DNAH2: variants seen among roughly 807,000 people sequenced by gnomAD.
The protein encoded by DNAH2 is axonemal beta dynein heavy chain 2.
DNAH2 carries 323 observed loss-of-function variants against 523.5 expected under a neutral mutation model. The ratio of observed to expected loss-of-function variants is 0.62; its 90% CI spans 0.56 to 0.68. DNAH2 has a LOEUF of 0.68. DNAH2 is among the 30% of genes least tolerant of loss of function. The pLI, the probability that DNAH2 is intolerant of heterozygous loss-of-function variation, is 0.00. For missense variants in DNAH2, 4,907 were observed against 5,701.5 expected, an observed-to-expected ratio of 0.86 and a Z score of 4.49; for synonymous variants, 2,093 against 2,177.4, an observed-to-expected ratio of 0.96 and a Z score of 1.08.
rs2076751485 is a variant in DNAH2 at position 7,786,865 on chromosome 17, C to T, written c.6467-32C>T. 6.2e-7 allele frequency: 1 copy of T among 1,613,926 alleles called. No homozygotes were observed. The highest frequency in any genetic ancestry group is 8.5e-7 in the Non-Finnish European group (1 of 1,179,838). ...GCGGAGGGTGCAAGGTGAGCGGCTC[C>T]CCGGTTTCCTCATCACCCACCATCT... On this transcript the variant is annotated intron_variant, in intron 41 of 85. Transcript: ENST00000572933. The surrounding 1 kb of genome is among the most constrained non-coding windows in gnomAD (Gnocchi z 7.5).
At position 7,770,348 on chromosome 17, in the gene DNAH2, G is replaced by A. The variant is rs758725320; in HGVS notation, c.4038G>A (p.Gln1346=). ...LEQIVELGMD[Q]HVEKIGEISA... ...AGATTGTGGAGCTTGGGATGGATCA[G>A]CATGTGGAGAAAATTGGGGAGATCT... Residue 1346 remains glutamine, a synonymous_variant, in exon 25 of 86, where the codon CAG becomes CAA. Transcript: ENST00000572933. 1 of 1,614,112 alleles carries A rather than the reference G, an allele frequency of 6.2e-7. No homozygotes were observed. The highest frequency in any genetic ancestry group is 8.5e-7 in the Non-Finnish European group (1 of 1,179,998).
At chr17:7,766,861 A>C (rs1371165417) in intron 22 of DNAH2, among the ~76,000 whole-genome samples, 7 of 151,600 alleles carry the variant, frequency 4.6e-5, no homozygotes, top group Non-Finnish European at 8.8e-5. Context: ...TATTGTCCAG[A>C]CTGGTCTCGA....
intron 42 of DNAH2, chr17:7,787,457 G>A (rs1003571947): frequency 1.6e-5 from 4 of 251,826 alleles, no homozygotes; most frequent in Non-Finnish European, 3.1e-5. Flanking sequence ...AAACTGGGCC[G>A]GGCCGGGTGG....
chr17:7,786,859 C>A lies in DNAH2; in HGVS notation c.6467-38C>A, dbSNP rs778414126. ...GCGTGAGCGGAGGGTGCAAGGTGAG[C>A]GGCTCCCCGGTTTCCTCATCACCCA... On this transcript the variant is annotated intron_variant, in intron 41 of 85. Transcript: ENST00000572933. The surrounding 1 kb of genome is among the most constrained non-coding windows in gnomAD (Gnocchi z 7.5). 2 of 1,613,342 alleles carry A rather than the reference C, an allele frequency of 1.2e-6. No individual in the cohort carries two copies. Among genetic ancestry groups the A allele is most frequent in the Non-Finnish European group, 1.7e-6 (2 of 1,179,470 alleles).
chr17:7,745,552 C>T (rs1258707347), intron 12 of DNAH2, among the ~76,000 whole-genome samples: 11 of 151,662 alleles, frequency 7.3e-5, no homozygotes, highest in Non-Finnish European at 1.5e-5. Context: ...CGCAGTGGCT[C>T]ATGCCTAGAA....
intron 10 of DNAH2, 104 bp downstream of exon 10, chr17:7,740,653 C>G (rs1179348725): frequency 2.6e-6 from 4 of 1,552,910 alleles, no homozygotes; most frequent in Non-Finnish European, 3.5e-6. Context: ...TCTCCATGTC[C>G]AGCATTCGGG....
At position 7,805,480 on chromosome 17, in the gene DNAH2, G is replaced by A. The variant is rs549190787; in HGVS notation, c.9442+87G>A. On this transcript the variant is annotated intron_variant, in intron 61 of 85. Coordinates refer to ENST00000572933, the MANE Select transcript of DNAH2 (RefSeq NM_020877.5). ...GTGCAGCAGACACTCAGAAAGATAG[G>A]GATGGATGAGGCATTGTTCTTACCC... 20 of 1,570,738 alleles carry A rather than the reference G, an allele frequency of 1.3e-5. No individual in the cohort carries two copies. The South Asian group carries it at 2.2e-4, about 17-fold the overall frequency.
rs749454847 is a variant in DNAH2 at position 7,804,386 on chromosome 17, G to A, written c.9103G>A (p.Val3035Met). Residue 3035 changes from valine (V) to methionine (M), a missense_variant, in exon 59 of 86, where the codon GTG becomes ATG. By Grantham distance (21) the Val-to-Met change is conservative (BLOSUM62 1). This residue lies in a region of DNAH2 where 1,851 missense variants were observed against 2,139.4 expected (regional missense o/e 0.87). Coordinates refer to ENST00000572933, the MANE Select transcript of DNAH2 (RefSeq NM_020877.5). ...SLELEDAKKKVAEFQKQCEEY... is the reference protein window; with the variant it reads ...SLELEDAKKKMAEFQKQCEEY... ...GGAGCTGGAGGATGCCAAGAAGAAG[G>A]TGGCTGAGTTCCAGAAGCAGTGTGA... 6.2e-7 allele frequency: 1 copy of A among 1,614,188 alleles called. No individual in the cohort carries two copies. The highest frequency in any genetic ancestry group is 1.1e-5 in the South Asian group (1 of 91,088).
chr17:7,782,501 G>A (rs2076628222), intron 39 of DNAH2, among the ~76,000 whole-genome samples: 1 of 152,056 alleles, frequency 6.6e-6, no homozygotes, highest in Non-Finnish European at 1.5e-5. Flanking sequence ...TATTTCTGGA[G>A]GAATGAAATT....
chr17:7,743,733 G>T, intron 12 of DNAH2: 1 of 202,234 alleles, frequency 4.9e-6, no homozygotes, highest in Non-Finnish European at 9.9e-6. Flanking sequence ...CCACTAGATG[G>T]CCATAATGGC....
rs753634171 is a variant in DNAH2, at chr17:7,819,256, C to T, written c.10863C>T (p.Leu3621=). 1 of 1,614,048 alleles carries T rather than the reference C, an allele frequency of 6.2e-7. No individual in the cohort carries two copies. The highest frequency in any genetic ancestry group is 8.5e-7 in the Non-Finnish European group (1 of 1,180,056). Residue 3621 remains leucine, a synonymous_variant, in exon 72 of 86, where the codon CTC becomes CTT. Transcript: ENST00000572933. ...GGGCATCAATCCTGTTCTTCGTGCT[C>T]AATGATATGGGCTGCATCGACCCCA... ...AQRASILFFV[L]NDMGCIDPMY...
intron 59 of DNAH2, 143 bp downstream of exon 59, chr17:7,804,609 G>A: frequency 2.0e-6 from 2 of 979,636 alleles, no homozygotes; most frequent in Non-Finnish European, 3.0e-6. Context: ...ACTTTGGGAG[G>A]CTGAGGCAGG....
intron 44 of DNAH2, among the ~76,000 whole-genome samples, chr17:7,790,766 G>C (rs1038129729): frequency 1.3e-5 from 2 of 151,252 alleles, no homozygotes; most frequent in African/African-American, 4.9e-5. Flanking sequence ...GGCTGGAATG[G>C]CATGATCAGG....
intron 12 of DNAH2, among the ~76,000 whole-genome samples, chr17:7,750,880 A>G (rs1270644299): frequency 6.6e-6 from 1 of 152,176 alleles, no homozygotes; most frequent in East Asian, 1.9e-4. Context: ...AGACGGTAAA[A>G]ACACAATCCT....
In DNAH2 at chr17:7,807,243, C is replaced by G. The variant is rs141638644; in HGVS notation, c.9536C>G (p.Pro3179Arg). The change falls in exon 62 of 86, where the codon CCT becomes CGT. Residue 3179 changes from proline to arginine, a missense_variant. Pro to Arg is a moderately radical substitution (Grantham distance 103). This residue lies in a region of DNAH2 where 1,851 missense variants were observed against 2,139.4 expected (regional missense o/e 0.87). Transcript: ENST00000572933. The surrounding 1 kb of genome is among the most constrained non-coding windows in gnomAD (Gnocchi z 5.6). ...LKKIGAYCAQPDFQPDIIGRV... is the reference protein window; with the variant it reads ...LKKIGAYCAQRDFQPDIIGRV... ...AAGATTGGGGCCTACTGCGCCCAGC[C>G]TGACTTCCAGCCTGATATCATCGGC... The G allele has an allele frequency of 4.3e-5, 69 of 1,613,852 alleles. No homozygotes were observed. In the African/African-American group the frequency reaches 8.9e-4, roughly 21 times the overall value.
chr17:7,811,840 G>A (rs1191474753), intron 63 of DNAH2, among the ~76,000 whole-genome samples: 1 of 152,084 alleles, frequency 6.6e-6, no homozygotes, highest in Non-Finnish European at 1.5e-5. Context: ...GGGTTCTCTG[G>A]GTAGATCAGT....
intron 22 of DNAH2, among the ~76,000 whole-genome samples, chr17:7,766,842 G>A (rs1055374692): frequency 3.3e-5 from 5 of 151,554 alleles, no homozygotes; most frequent in Admixed American, 3.3e-4. Context: ...TAGAGATGGG[G>A]TTTCACCATA....
At chr17:7,819,756 C>A (rs748560679) in intron 72 of DNAH2, among the ~76,000 whole-genome samples, 1 of 152,198 alleles carries the variant, frequency 6.6e-6, no homozygotes, top group African/African-American at 2.4e-5. Context: ...GCAACTCCAA[C>A]AAGCTCCCAG....
chr17:7,786,395 A>T lies in DNAH2; in HGVS notation c.6348+53A>T. 1 of 1,579,238 alleles carries T rather than the reference A, an allele frequency of 6.3e-7. No homozygotes were observed. The highest frequency in any genetic ancestry group is 8.6e-7 in the Non-Finnish European group (1 of 1,162,740). ...GGGCAGAGACTTGAGTAGTAAGAAG[A>T]CAATGGAGGGTGGGGGCCAGGGAGG... On this transcript the variant is annotated intron_variant, in intron 40 of 85. Coordinates refer to ENST00000572933, the MANE Select transcript of DNAH2 (RefSeq NM_020877.5). The surrounding 1 kb of genome is among the most constrained non-coding windows in gnomAD (Gnocchi z 7.5).
Sources: gnomAD v4.1 joint callset for allele counts (sites outside exome capture counted in the v4.1 genomes callset) on GRCh38, gnomAD v4.1.1 for gene constraint, gnomAD v4.1.1 regional missense constraint, Gnocchi (gnomAD v3.1) non-coding constraint, MANE v1.5 for transcripts, NCBI Gene and HGNC (gene_info 2026-07-23, HGNC 2026-07-21) for gene names.